DNAJC1: variants seen among roughly 807,000 people sequenced by gnomAD.
The protein encoded by DNAJC1 is DnaJ heat shock protein family (Hsp40) member C1.
Under a neutral mutation model 76.6 loss-of-function variants are expected in DNAJC1, and 58 were observed. That is an observed-to-expected ratio of 0.76 (90% CI 0.61 to 0.94). The LOEUF is 0.94. DNAJC1 is among the 40% of genes least tolerant of loss of function. DNAJC1 has a pLI of 0.00. For synonymous variants in DNAJC1, 258 were observed against 267.9 expected (o/e 0.96, Z 0.36); for missense variants, 689 against 677.3 (o/e 1.02, Z -0.19).
intron 8 of DNAJC1, among the ~76,000 whole-genome samples, chr10:21,835,843 C>T (rs983617800): frequency 9.2e-5 from 14 of 152,170 alleles, no homozygotes; most frequent in Non-Finnish European, 1.0e-4. Context: ...ACCAAGTCTA[C>T]GTCTGATTGG....
chr10:21,933,484 G>C (rs1451050755), intron 1 of DNAJC1: 1 of 152,162 alleles, frequency 6.6e-6, no homozygotes, highest in Non-Finnish European at 1.5e-5. Flanking sequence ...TGCATGCCCA[G>C]GACAGAGCAC....
At chr10:21,782,829 G>C (rs1392209659) in intron 9 of DNAJC1, among the ~76,000 whole-genome samples, 1 of 152,092 alleles carries the variant, frequency 6.6e-6, no homozygotes, top group Non-Finnish European at 1.5e-5. Context: ...GATGCAGAAA[G>C]GCCTTTGACA....
At chr10:21,948,560 G>A (rs761748540) in intron 1 of DNAJC1, among the ~76,000 whole-genome samples, 1 of 152,088 alleles carries the variant, frequency 6.6e-6, no homozygotes, top group Non-Finnish European at 1.5e-5. Context: ...ATGGTCAACT[G>A]CAGTCTGAAA....
chr10:21,837,949 G>A (rs1304804748), intron 8 of DNAJC1, among the ~76,000 whole-genome samples: 4 of 147,220 alleles, frequency 2.7e-5, no homozygotes, highest in African/African-American at 7.4e-5. Context: ...CAGCCGCCCC[G>A]GCCGGGAGGG....
intron 9 of DNAJC1, among the ~76,000 whole-genome samples, chr10:21,786,538 T>G (rs1264283374): frequency 6.9e-6 from 1 of 145,458 alleles, no homozygotes; most frequent in Non-Finnish European, 1.5e-5. Flanking sequence ...TGGAGTACAG[T>G]GGCTCACTGT....
chr10:21,762,963 T>C (rs1564780056), intron 10 of DNAJC1, among the ~76,000 whole-genome samples: 1 of 152,210 alleles, frequency 6.6e-6, no homozygotes, highest in Non-Finnish European at 1.5e-5. Context: ...CCAGTCTCGC[T>C]CTGTTGCCCA....
Position 21,881,546 on chromosome 10 carries a change from G to C in DNAJC1, c.978+736C>G, listed in dbSNP as rs79072449. On this transcript the variant is annotated intron_variant, in intron 8 of 11. Coordinates refer to ENST00000376980, the MANE Select transcript of DNAJC1 (RefSeq NM_022365.4). ...GCCTTAGGGAGTAGGGAGACCAGAG[G>C]AGACGGAAAGAGACTAGAGGATGAT... Among the ~76,000 whole-genome samples the C allele has an allele frequency of 3.7e-3, 562 of 152,164 alleles. 5 individuals carry two copies. The highest frequency in any genetic ancestry group is 0.013 in the African/African-American group (531 of 41,518).
At chr10:21,837,116 T>C (rs1005758741) in intron 8 of DNAJC1, among the ~76,000 whole-genome samples, 2 of 152,260 alleles carry the variant, frequency 1.3e-5, no homozygotes, top group African/African-American at 4.8e-5. Context: ...TTTCGCTGTG[T>C]TGGCCAGGCT....
chr10:21,920,972 C>T lies in DNAJC1; in HGVS notation c.372-9G>A, dbSNP rs1837033988. On this transcript the variant is annotated splice_polypyrimidine_tract_variant and intron_variant, in intron 3 of 11. Transcript: ENST00000376980. ...TCAGAATATCATCATACCTACAGTA[C>T]AAATATAACAGTTTTTCACGGGGAG... 6 of 1,536,122 alleles carry T rather than the reference C, an allele frequency of 3.9e-6. No homozygotes were observed. In the Admixed American group the frequency reaches 6.0e-5, roughly 15 times the overall value.
intron 1 of DNAJC1, among the ~76,000 whole-genome samples, chr10:21,968,859 T>G (rs1837931237): frequency 1.3e-5 from 2 of 152,172 alleles, no homozygotes; most frequent in South Asian, 4.2e-4. Context: ...GCAGCAATAA[T>G]AAGTGGCAAT....
chr10:21,921,176 C>T (rs982635662), intron 3 of DNAJC1, among the ~76,000 whole-genome samples: 12 of 151,928 alleles, frequency 7.9e-5, no homozygotes, highest in African/African-American at 2.9e-4. Context: ...CAGTAATATA[C>T]TGTGGATACC....
At chr10:21,985,206 CG>C (rs1838222839) in intron 1 of DNAJC1, among the ~76,000 whole-genome samples, 1 of 151,316 alleles carries the variant, frequency 6.6e-6, no homozygotes, top group Non-Finnish European at 1.5e-5. Context: ...CTCTCCCATC[CG>C]TGTGCAATCA....
intron 8 of DNAJC1, among the ~76,000 whole-genome samples, chr10:21,810,527 C>T (rs1238832671): frequency 6.6e-6 from 1 of 152,182 alleles, no homozygotes; most frequent in African/African-American, 2.4e-5. Flanking sequence ...TGGTCATGGA[C>T]ACTCTGACCC....
intron 5 of DNAJC1, 131 bp downstream of exon 5, chr10:21,919,701 T>C (rs2807978): frequency 0.72 from 402,170 of 562,330 alleles, 145,709 homozygotes; most frequent in East Asian, 0.97. Flanking sequence ...TGGCACATTA[T>C]TAGTCTTTTA....
At chr10:21,929,412 T>C (rs1345751502) in intron 1 of DNAJC1, among the ~76,000 whole-genome samples, 1 of 152,198 alleles carries the variant, frequency 6.6e-6, no homozygotes, top group African/African-American at 2.4e-5. Flanking sequence ...TTCAAACACT[T>C]GCCTTCCTAA....
intron 1 of DNAJC1, among the ~76,000 whole-genome samples, chr10:21,998,405 AAAAAG>A (rs1184259883): frequency 6.6e-6 from 1 of 151,426 alleles, no homozygotes; most frequent in Admixed American, 6.6e-5. Flanking sequence ...AAAAAAAAAA[AAAAAG>A]AAATACAGAA....
At chr10:21,805,944 T>C (rs768182804) in intron 9 of DNAJC1, 36 bp downstream of exon 9, 1 of 1,609,124 alleles carries the variant, frequency 6.2e-7, no homozygotes, top group South Asian at 1.1e-5. Context: ...TGTTCTGGTT[T>C]CTCTCTCTAT....
At chr10:21,876,541 T>A (rs1409605522) in intron 8 of DNAJC1, among the ~76,000 whole-genome samples, 3 of 152,228 alleles carry the variant, frequency 2.0e-5, no homozygotes, top group African/African-American at 7.2e-5. Flanking sequence ...CTCAGCTGAA[T>A]AATTTGTGGA....
At chr10:21,841,344 C>T (rs1433659313) in intron 8 of DNAJC1, among the ~76,000 whole-genome samples, 6 of 152,212 alleles carry the variant, frequency 3.9e-5, no homozygotes, top group Admixed American at 2.0e-4. Flanking sequence ...ATTTTTGCAA[C>T]CTACTCATCT....
Sources: gnomAD v4.1 joint callset for allele counts (sites outside exome capture counted in the v4.1 genomes callset) on GRCh38, gnomAD v4.1.1 for gene constraint, MANE v1.5 for transcripts, NCBI Gene and HGNC (gene_info 2026-07-23, HGNC 2026-07-21) for gene names.